The following PDE10A variants were observed in gnomAD, a reference collection of about 807,000 sequenced individuals.
PDE10A encodes phosphodiesterase 10A.
A neutral mutation model predicts 97.7 loss-of-function variants in PDE10A; 39 were observed. The observed-to-expected ratio is 0.40, with a 90% CI of 0.31 to 0.52. The LOEUF (loss-of-function observed/expected upper bound fraction) is 0.52. PDE10A is among the 20% of genes least tolerant of loss of function. The pLI, the probability that PDE10A is intolerant of heterozygous loss-of-function variation, is 0.56. For synonymous variants in PDE10A, 371 were observed against 376.8 expected (o/e 0.98, Z 0.18); for missense variants, 731 against 1,047.8 (o/e 0.70, Z 4.17).
At chr6:165,457,551 T>G (rs1237291827) in intron 3 of PDE10A, among the ~76,000 whole-genome samples, 1 of 152,162 alleles carries the variant, frequency 6.6e-6, no homozygotes, top group Non-Finnish European at 1.5e-5. Context: ...TCAAGCTATA[T>G]GTATATATAT....
chr6:165,641,795 T>C (rs577016604), intron 1 of PDE10A, among the ~76,000 whole-genome samples: 1 of 152,194 alleles, frequency 6.6e-6, no homozygotes, highest in Non-Finnish European at 1.5e-5. Flanking sequence ...CGGACTGTTA[T>C]GAGAACCAAG....
At chr6:165,542,546 T>C (rs1009297662) in intron 2 of PDE10A, among the ~76,000 whole-genome samples, 3 of 151,262 alleles carry the variant, frequency 2.0e-5, no homozygotes, top group Admixed American at 1.3e-4. Flanking sequence ...TCTCAAAAGT[T>C]AAAACAGTGG....
intron 1 of PDE10A, among the ~76,000 whole-genome samples, chr6:165,609,969 A>G (rs1468399790): frequency 6.6e-6 from 1 of 152,220 alleles, no homozygotes; most frequent in Non-Finnish European, 1.5e-5. Flanking sequence ...ATCCCCATCA[A>G]GCTACCAATG....
intron 1 of PDE10A, among the ~76,000 whole-genome samples, chr6:165,633,189 T>C (rs537810809): frequency 6.4e-4 from 97 of 152,298 alleles, no homozygotes; most frequent in Middle Eastern, 3.4e-3. Flanking sequence ...ATCTATAAGA[T>C]GTAGACTGAC....
intron 2 of PDE10A, among the ~76,000 whole-genome samples, chr6:165,488,174 T>C (rs1028313676): frequency 1.3e-5 from 2 of 152,164 alleles, no homozygotes; most frequent in Admixed American, 1.3e-4. Context: ...CTCAATAAAC[T>C]TGCATACCAG....
intron 2 of PDE10A, among the ~76,000 whole-genome samples, chr6:165,500,139 T>A (rs1246534387): frequency 1.3e-5 from 2 of 152,196 alleles, no homozygotes; most frequent in Non-Finnish European, 2.9e-5. Context: ...CCACTCCTTT[T>A]CAGTAAACTT....
chr6:165,761,566 C>T lies in PDE10A; in HGVS notation c.-614-217998G>A, dbSNP rs146013059. Among the ~76,000 whole-genome samples the T allele has an allele frequency of 1.1e-3, 172 of 152,084 alleles. 1 individual carries two copies. Among genetic ancestry groups the T allele is most frequent in the African/African-American group, 3.8e-3 (159 of 41,464 alleles). ...TTTTCTTTAAATTTAGAATGATCAA[C>T]GTGAAGTTAAGACATCATATCACAA... On this transcript the variant is annotated intron_variant, in intron 1 of 19. Transcript: ENST00000366882.
chr6:165,847,748 A>C (rs1441155828), intron 1 of PDE10A, among the ~76,000 whole-genome samples: 1 of 152,374 alleles, frequency 6.6e-6, no homozygotes, highest in Non-Finnish European at 1.5e-5. Context: ...TTTTGGCAAC[A>C]GTTAAGGGAA....
At chr6:165,931,545 G>T (rs1249948935) in intron 1 of PDE10A, among the ~76,000 whole-genome samples, 1 of 152,216 alleles carries the variant, frequency 6.6e-6, no homozygotes, top group Non-Finnish European at 1.5e-5. Context: ...CCTATTATTT[G>T]CAGATGTGAA....
At chr6:165,637,072 C>T (rs1199518835) in intron 1 of PDE10A, among the ~76,000 whole-genome samples, 2 of 152,150 alleles carry the variant, frequency 1.3e-5, no homozygotes, top group Non-Finnish European at 2.9e-5. Context: ...ACCCTTTGGA[C>T]TGCTTGATGA....
intron 1 of PDE10A, among the ~76,000 whole-genome samples, chr6:165,573,484 AT>A (rs1398875616): frequency 6.6e-6 from 1 of 152,122 alleles, no homozygotes; most frequent in African/African-American, 2.4e-5. Context: ...CTCCTCATAG[AT>A]TTACTAAGAC....
At chr6:165,664,152 G>T (rs755374110), upstream of PDE10A, among the ~76,000 whole-genome samples, 1 of 152,118 alleles carries the variant, frequency 6.6e-6, no homozygotes, top group Non-Finnish European at 1.5e-5. Flanking sequence ...TTCACGAAGG[G>T]CAAAACGGTC....
chr6:165,459,489 T>TTAGA (rs147229263), intron 3 of PDE10A, among the ~76,000 whole-genome samples: 5,371 of 146,772 alleles, frequency 0.037, 122 homozygotes, highest in East Asian at 0.057. Flanking sequence ...TTCTAATGCA[T>TTAGA]TAGATAGATA....
At chr6:165,402,411 C>T (rs1249142580) in intron 13 of PDE10A, among the ~76,000 whole-genome samples, 2 of 151,750 alleles carry the variant, frequency 1.3e-5, no homozygotes, top group Non-Finnish European at 1.5e-5. Flanking sequence ...TTCTAAATGA[C>T]CTTTAATATG....
chr6:165,401,500 T>C (rs1786661950), intron 13 of PDE10A, among the ~76,000 whole-genome samples: 1 of 152,232 alleles, frequency 6.6e-6, no homozygotes, highest in Admixed American at 6.5e-5. Context: ...CATGTATACC[T>C]AATTTATTAA....
intron 5 of PDE10A, among the ~76,000 whole-genome samples, chr6:165,436,823 C>A (rs1790051531): frequency 6.6e-6 from 1 of 152,106 alleles, no homozygotes; most frequent in South Asian, 2.1e-4. Flanking sequence ...TAGAGTAAGA[C>A]TATCATTAGA....
chr6:165,464,317 G>C (rs59698636), intron 3 of PDE10A, among the ~76,000 whole-genome samples: 16 of 151,976 alleles, frequency 1.1e-4, no homozygotes, highest in Admixed American at 6.6e-5. Context: ...TGATACCTCC[G>C]GTTCCAACCA....
chr6:165,587,643 T>A (rs1785994476), intron 1 of PDE10A, among the ~76,000 whole-genome samples: 1 of 135,358 alleles, frequency 7.4e-6, no homozygotes, highest in African/African-American at 2.6e-5. Context: ...TTGGGGGATT[T>A]CTCTAAATGT....
intron 1 of PDE10A, among the ~76,000 whole-genome samples, chr6:165,610,530 C>CAAA (rs201763144): frequency 3.6e-5 from 2 of 55,072 alleles, no homozygotes; most frequent in African/African-American, 6.6e-5. Context: ...GACTCCGTCT[C>CAAA]AAAAAAAAAA....
Sources: allele counts gnomAD v4.1 joint callset (sites outside exome capture counted in the v4.1 genomes callset), GRCh38; gene constraint gnomAD v4.1.1; transcripts MANE v1.5; gene names NCBI Gene and HGNC (gene_info 2026-07-23, HGNC 2026-07-21).